BLTP3A: variants seen among roughly 807,000 people sequenced by gnomAD.
The protein encoded by BLTP3A is ICBP90 binding protein 1.
chr6:34,792,354 C>T, the BLTP3A span: 3 of 1,436,026 alleles, frequency 2.1e-6, no homozygotes, highest in South Asian at 1.4e-5. Flanking sequence ...TCTCCGACCT[C>T]CTCCCTGACG....
the BLTP3A span, among the ~76,000 whole-genome samples, chr6:34,801,048 A>G: frequency 1.3e-5 from 2 of 152,174 alleles, no homozygotes; most frequent in Non-Finnish European, 2.9e-5. Flanking sequence ...GCCTAGATAT[A>G]TTATAAAATA....
the BLTP3A span, among the ~76,000 whole-genome samples, chr6:34,851,089 G>A: frequency 3.3e-5 from 5 of 152,102 alleles, no homozygotes; most frequent in African/African-American, 1.2e-4. Context: ...ATTTCATTGA[G>A]CTCCCTCAAA....
At chr6:34,822,459 G>A in the BLTP3A span, among the ~76,000 whole-genome samples, 12 of 151,924 alleles carry the variant, frequency 7.9e-5, no homozygotes, top group Non-Finnish European at 1.5e-4. Flanking sequence ...GGCTGGTCTC[G>A]AACTCCTAAC....
At chr6:34,835,269 C>T in the BLTP3A span, 1 of 1,610,896 alleles carries the variant, frequency 6.2e-7, no homozygotes, top group Non-Finnish European at 8.5e-7. Context: ...GGTGATAAAC[C>T]CCATGTTGTC....
the BLTP3A span, chr6:34,864,066 C>T: frequency 1.9e-6 from 3 of 1,613,736 alleles, no homozygotes; most frequent in South Asian, 1.1e-5. Flanking sequence ...TGCACGACTC[C>T]GATTTTTCTC....
chr6:34,806,629 A>C, the BLTP3A span, among the ~76,000 whole-genome samples: 1 of 152,158 alleles, frequency 6.6e-6, no homozygotes, highest in Non-Finnish European at 1.5e-5. Flanking sequence ...ACACTTCTCT[A>C]AATAGCTCTT....
chr6:34,793,531 A>T, the BLTP3A span, among the ~76,000 whole-genome samples: 1 of 152,102 alleles, frequency 6.6e-6, no homozygotes, highest in African/African-American at 2.4e-5. Flanking sequence ...TGACACTTTG[A>T]TCTGAGACTT....
At chr6:34,801,785 C>T in the BLTP3A span, among the ~76,000 whole-genome samples, 1 of 152,012 alleles carries the variant, frequency 6.6e-6, no homozygotes, top group Admixed American at 6.6e-5. Context: ...GCAGTGGCGC[C>T]ATCTCCGCTC....
chr6:34,796,384 T>C, the BLTP3A span, among the ~76,000 whole-genome samples: 1 of 152,230 alleles, frequency 6.6e-6, no homozygotes, highest in Non-Finnish European at 1.5e-5. Context: ...GGCACTAATC[T>C]GGGCACTGGA....
At chr6:34,801,682 A>G in the BLTP3A span, among the ~76,000 whole-genome samples, 1 of 152,214 alleles carries the variant, frequency 6.6e-6, no homozygotes, top group Non-Finnish European at 1.5e-5. Flanking sequence ...ATAAAAGCAC[A>G]AAATATCGCA....
At chr6:34,859,693 G>T in the BLTP3A span, 1 of 1,401,388 alleles carries the variant, frequency 7.1e-7, no homozygotes, top group Non-Finnish European at 9.7e-7. Flanking sequence ...CCAGGAGAAT[G>T]CATAGAATGG....
At chr6:34,819,928 A>G in the BLTP3A span, among the ~76,000 whole-genome samples, 1 of 152,180 alleles carries the variant, frequency 6.6e-6, no homozygotes, top group South Asian at 2.1e-4. Flanking sequence ...AGCAGTTTTC[A>G]TCTGTCCTCA....
chr6:34,858,522 C>T, the BLTP3A span: 1 of 1,614,154 alleles, frequency 6.2e-7, no homozygotes, highest in African/African-American at 1.3e-5. Context: ...TAGCCCCCTT[C>T]CCCCTGTCCA....
the BLTP3A span, chr6:34,863,990 T>G: frequency 1.7e-4 from 262 of 1,573,312 alleles, 1 homozygote; most frequent in Non-Finnish European, 2.0e-4. Context: ...TTTTGTTTTT[T>G]TTTTTAAACA....
the BLTP3A span, among the ~76,000 whole-genome samples, chr6:34,798,377 G>A: frequency 6.6e-6 from 1 of 152,098 alleles, no homozygotes; most frequent in South Asian, 2.1e-4. Context: ...TTAAACAAAT[G>A]TACGCATTTC....
chr6:34,833,963 A>G, the BLTP3A span, among the ~76,000 whole-genome samples: 1 of 150,218 alleles, frequency 6.7e-6, no homozygotes, highest in East Asian at 2.0e-4. Context: ...GCAGCCAAGC[A>G]CAGTGGCTCA....
At chr6:34,798,283 T>C in the BLTP3A span, among the ~76,000 whole-genome samples, 16 of 152,234 alleles carry the variant, frequency 1.1e-4, no homozygotes, top group Admixed American at 2.6e-4. Flanking sequence ...AGTTTACTTG[T>C]ACATTTTACT....
chr6:34,819,310 C>A, the BLTP3A span, among the ~76,000 whole-genome samples: 2 of 127,578 alleles, frequency 1.6e-5, no homozygotes, highest in Non-Finnish European at 3.2e-5. Flanking sequence ...CCCCCTCCCC[C>A]CACCCCACCA....
At chr6:34,824,400 T>TA in the BLTP3A span, among the ~76,000 whole-genome samples, 2 of 150,486 alleles carry the variant, frequency 1.3e-5, no homozygotes, top group Non-Finnish European at 3.0e-5. Flanking sequence ...CTACTAAAAA[T>TA]AAAAAAAATT....
Sources: gnomAD v4.1 joint callset for allele counts (sites outside exome capture counted in the v4.1 genomes callset) on GRCh38, gnomAD v4.1.1 for gene constraint, MANE v1.5 for transcripts, NCBI Gene and HGNC (gene_info 2026-07-23, HGNC 2026-07-21) for gene names.